The following PCLO variants were observed in gnomAD, a reference collection of about 807,000 sequenced individuals.
PCLO encodes the protein piccolo presynaptic cytomatrix protein.
A neutral mutation model predicts 427.5 loss-of-function variants in PCLO; 82 were observed. The ratio of observed to expected loss-of-function variants is 0.19; its 90% CI spans 0.16 to 0.23. The LOEUF (loss-of-function observed/expected upper bound fraction) is 0.23. PCLO is among the 10% of genes least tolerant of loss of function. The pLI, the probability that PCLO is intolerant of heterozygous loss-of-function variation, is 1.00. For missense variants in PCLO, 6,239 were observed against 6,115.9 expected (o/e 1.02, Z -0.67); for synonymous variants, 2,357 against 2,155.4 (o/e 1.09, Z -2.59).
chr7:82,884,773 C>T (rs34866621), intron 9 of PCLO, among the ~76,000 whole-genome samples: 24,107 of 151,568 alleles, frequency 0.16, 2,426 homozygotes, highest in Non-Finnish European at 0.21. Context: ...CAGGCCAGGA[C>T]GTGGGGTGAG....
At chr7:82,778,963 T>C (rs975345627) in intron 22 of PCLO, among the ~76,000 whole-genome samples, 5 of 152,102 alleles carry the variant, frequency 3.3e-5, no homozygotes, top group Non-Finnish European at 7.4e-5. Context: ...GGGTCACCTC[T>C]CAAAATTCAA....
chr7:82,999,251 G>A lies in PCLO; in HGVS notation c.3301-32764C>T, dbSNP rs184761923. Among the ~76,000 whole-genome samples, 573 of 141,080 alleles carry A rather than the reference G, an allele frequency of 4.1e-3. 4 individuals are homozygous for A. The highest frequency in any genetic ancestry group is 0.017 in the Middle Eastern group (3 of 176). The allele number at this position is 141,080 out of a possible 152,430, so 92.6% of individuals were successfully genotyped here. A position where few individuals can be genotyped will look rare whatever the true frequency, so the allele number is the denominator to read the frequency against. On this transcript the variant is annotated intron_variant, in intron 3 of 24. Transcript: ENST00000333891. ...ATATATATTATATAAAATATATATG[G>A]ATATATAATAAATATTACATATTAA...
rs530258945 is a variant in PCLO, at chr7:83,014,617, CA to C, written c.3301-48131del. Among the ~76,000 whole-genome samples the C allele has an allele frequency of 1.6e-4, 25 of 151,832 alleles. No homozygotes were observed. In the East Asian group the frequency reaches 4.9e-3, roughly 30 times the overall value. On this transcript the variant is annotated intron_variant, in intron 3 of 24. Transcript: ENST00000333891. ...AATATAGAATGAAAAAAAAAAATCA[CA>C]AAGTCACAAAATTAGCACTGCTCAT...
intron 3 of PCLO, among the ~76,000 whole-genome samples, chr7:83,009,782 T>C (rs1788035036): frequency 6.6e-6 from 1 of 151,950 alleles, no homozygotes; most frequent in Non-Finnish European, 1.5e-5. Context: ...GTTATTGGGT[T>C]CCATACCCAT....
chr7:83,036,896 T>G (rs1416223615), intron 3 of PCLO, among the ~76,000 whole-genome samples: 1 of 152,220 alleles, frequency 6.6e-6, no homozygotes, highest in East Asian at 1.9e-4. Context: ...ATGGACATTG[T>G]GTCCTTTTTT....
At chr7:83,025,000 G>A (rs1194044131) in intron 3 of PCLO, among the ~76,000 whole-genome samples, 1 of 152,038 alleles carries the variant, frequency 6.6e-6, no homozygotes, top group African/African-American at 2.4e-5. Flanking sequence ...CACAAAGATG[G>A]GGAAAAAACA....
Position 82,952,010 on chromosome 7 carries a change from T to C in PCLO, c.8943A>G (p.Pro2981=), listed in dbSNP as rs748898134. Residue 2981 remains proline (P), a synonymous_variant, in exon 5 of 25, where the codon CCA becomes CCG. Transcript: ENST00000333891. The part of the protein sequence containing the change: ...DDHYQYDRSG[P]YGYRGIGGMK... The stretch of plus-strand genomic sequence containing the variant: ...TTCCCCCAATCCCTCTATAACCATA[T>C]GGCCCTGATCGATCATACTGATAGT... 3.1e-6 allele frequency: 5 copies of C among 1,613,964 alleles called. No individual in the cohort carries two copies. The highest frequency in any genetic ancestry group is 1.3e-5 in the African/African-American group (1 of 75,050).
At chr7:82,903,388 T>G (rs1483146995) in intron 8 of PCLO, among the ~76,000 whole-genome samples, 1 of 152,022 alleles carries the variant, frequency 6.6e-6, no homozygotes, top group East Asian at 1.9e-4. Flanking sequence ...GATAGTGTTA[T>G]GTCTCCTAGA....
At chr7:82,783,405 G>T (rs972914364) in intron 22 of PCLO, among the ~76,000 whole-genome samples, 12 of 152,088 alleles carry the variant, frequency 7.9e-5, no homozygotes, top group Non-Finnish European at 8.8e-5. Flanking sequence ...ACGACGTCAG[G>T]AGATCGAGAC....
intron 3 of PCLO, among the ~76,000 whole-genome samples, chr7:82,971,759 T>C (rs1458015707): frequency 6.7e-6 from 1 of 149,714 alleles, no homozygotes; most frequent in Admixed American, 6.7e-5. Context: ...TATATATATA[T>C]ATGTACTGAG....
intron 20 of PCLO, among the ~76,000 whole-genome samples, chr7:82,817,152 T>A (rs73707302): frequency 0.041 from 6,285 of 152,264 alleles, 441 homozygotes; most frequent in African/African-American, 0.14. Flanking sequence ...GCTGAAATTG[T>A]CCAAATTGAT....
At chr7:82,987,976 T>C (rs1796292174) in intron 3 of PCLO, among the ~76,000 whole-genome samples, 1 of 152,118 alleles carries the variant, frequency 6.6e-6, no homozygotes, top group East Asian at 1.9e-4. Context: ...AGACAGCATA[T>C]TATCAAACAC....
intron 2 of PCLO, among the ~76,000 whole-genome samples, chr7:83,144,676 AC>A (rs1791949137): frequency 6.6e-6 from 1 of 152,174 alleles, no homozygotes; most frequent in African/African-American, 2.4e-5. Flanking sequence ...AATCTTATCT[AC>A]ATTTTTCATT....
At chr7:83,106,253 A>G (rs904555046) in intron 3 of PCLO, among the ~76,000 whole-genome samples, 1 of 152,222 alleles carries the variant, frequency 6.6e-6, no homozygotes, top group African/African-American at 2.4e-5. Context: ...AGTGAGGAGA[A>G]GGAGCAGCTG....
At chr7:82,920,647 T>G (rs1258561828) in intron 6 of PCLO, among the ~76,000 whole-genome samples, 1 of 151,788 alleles carries the variant, frequency 6.6e-6, no homozygotes, top group African/African-American at 2.4e-5. Flanking sequence ...AACATTTTCC[T>G]TAGGAAAGTT....
intron 20 of PCLO, among the ~76,000 whole-genome samples, chr7:82,813,344 T>C (rs1351361801): frequency 2.6e-5 from 4 of 151,712 alleles, no homozygotes; most frequent in Non-Finnish European, 5.9e-5. Flanking sequence ...AATAGATCCT[T>C]AAAAAATACT....
At chr7:82,769,583 T>C (rs1389343655) in intron 22 of PCLO, among the ~76,000 whole-genome samples, 2 of 152,084 alleles carry the variant, frequency 1.3e-5, no homozygotes, top group Non-Finnish European at 2.9e-5. Context: ...AAAGTCTCTT[T>C]AGAGGCAAGT....
chr7:82,837,890 C>T (rs747593420), intron 15 of PCLO, among the ~76,000 whole-genome samples: 1 of 151,896 alleles, frequency 6.6e-6, no homozygotes, highest in Admixed American at 6.6e-5. Flanking sequence ...TAAGCCAATT[C>T]TTTAACTTTG....
chr7:82,903,532 T>G (rs988254083), intron 8 of PCLO, among the ~76,000 whole-genome samples: 1 of 151,984 alleles, frequency 6.6e-6, no homozygotes, highest in African/African-American at 2.4e-5. Flanking sequence ...GAAACATCGT[T>G]TCTGAAACAA....
Sources: gnomAD v4.1 joint callset for allele counts (sites outside exome capture counted in the v4.1 genomes callset) on GRCh38, gnomAD v4.1.1 for gene constraint, MANE v1.5 for transcripts, NCBI Gene and HGNC (gene_info 2026-07-23, HGNC 2026-07-21) for gene names.